ADAM32: variants seen among roughly 807,000 people sequenced by gnomAD.
ADAM32 encodes disintegrin and metalloproteinase domain-containing protein 32.
Under a neutral mutation model 114.9 loss-of-function variants are expected in ADAM32, and 89 were observed. The observed-to-expected ratio is 0.77, with a 90% CI of 0.65 to 0.92. ADAM32 has a LOEUF of 0.92. Ranked by LOEUF, ADAM32 falls within the 40% of genes least tolerant of loss-of-function variation. The pLI, the probability that ADAM32 is intolerant of heterozygous loss-of-function variation, is 0.00. For missense variants in ADAM32, 870 were observed against 932.8 expected (o/e 0.93, Z 0.88); for synonymous variants, 285 against 307.5 (o/e 0.93, Z 0.77).
intron 3 of ADAM32, among the ~76,000 whole-genome samples, chr8:39,145,752 G>T (rs1803466307): frequency 6.6e-6 from 1 of 151,644 alleles, no homozygotes; most frequent in South Asian, 2.1e-4. Flanking sequence ...TTATTTTTGA[G>T]ACAGGGTCTC....
chr8:39,252,065 A>G (rs534843952), intron 17 of ADAM32, among the ~76,000 whole-genome samples: 7 of 151,874 alleles, frequency 4.6e-5, no homozygotes, highest in South Asian at 2.1e-4. Flanking sequence ...ATTCTGTTCC[A>G]TTGGTCTATG....
chr8:39,179,207 C>G (rs1805700522), intron 10 of ADAM32, among the ~76,000 whole-genome samples: 1 of 152,116 alleles, frequency 6.6e-6, no homozygotes, highest in African/African-American at 2.4e-5. Context: ...GAGTTCTGGT[C>G]TGGACTACCT....
intron 11 of ADAM32, among the ~76,000 whole-genome samples, chr8:39,191,521 T>A (rs958870939): frequency 6.6e-6 from 1 of 152,258 alleles, no homozygotes; most frequent in African/African-American, 2.4e-5. Context: ...GAGCTTTTTT[T>A]CATATGCTTG....
intron 11 of ADAM32, among the ~76,000 whole-genome samples, chr8:39,204,568 A>C (rs1027842338): frequency 6.6e-6 from 1 of 152,166 alleles, no homozygotes; most frequent in Non-Finnish European, 1.5e-5. Context: ...TCTTTGTGAT[A>C]GGTTCAAACT....
chr8:39,190,889 GT>G (rs1806558143), intron 11 of ADAM32, among the ~76,000 whole-genome samples: 2 of 152,114 alleles, frequency 1.3e-5, no homozygotes, highest in South Asian at 4.2e-4. Flanking sequence ...GTACCCAATA[GT>G]TTTTTTCTGA....
chr8:39,172,633 A>T (rs1250660484), intron 10 of ADAM32, among the ~76,000 whole-genome samples: 2 of 152,192 alleles, frequency 1.3e-5, no homozygotes, highest in Non-Finnish European at 2.9e-5. Flanking sequence ...TTCCAGTTCC[A>T]TCCTTGTCCC....
Position 39,201,602 on chromosome 8 carries a change from A to G in ADAM32, c.1053-9542A>G, listed in dbSNP as rs982503181. Among the ~76,000 whole-genome samples, 4 of 152,134 alleles carry G rather than the reference A, an allele frequency of 2.6e-5. No homozygotes were observed. In the South Asian group the frequency reaches 6.2e-4, roughly 24 times the overall value. The stretch of plus-strand genomic sequence containing the variant: ...GGACAATTTGACTTCCTCTTTTCCT[A>G]ATTGAATACCCTTTATTTCTTTCTC... On this transcript the variant is annotated intron_variant, in intron 11 of 24. Coordinates refer to ENST00000379907, the MANE Select transcript of ADAM32 (RefSeq NM_145004.7).
intron 10 of ADAM32, among the ~76,000 whole-genome samples, chr8:39,186,241 A>G (rs1164264307): frequency 2.0e-5 from 3 of 152,214 alleles, no homozygotes; most frequent in African/African-American, 7.2e-5. Flanking sequence ...AAATGTCTTT[A>G]TCTTCCTCCT....
At chr8:39,136,627 C>G (rs1268161655) in intron 2 of ADAM32, 30 bp from the exon 3 acceptor site, 1 of 1,406,516 alleles carries the variant, frequency 7.1e-7, no homozygotes, top group Admixed American at 2.7e-5. Flanking sequence ...TTAAATTTGT[C>G]TTCACTCTCA....
intron 2 of ADAM32, among the ~76,000 whole-genome samples, chr8:39,123,692 TA>T (rs1251262684): frequency 6.7e-6 from 1 of 149,216 alleles, no homozygotes. Flanking sequence ...TAAAGTTTGG[TA>T]ATTTTCTTTC....
At chr8:39,144,238 A>T (rs1461168636) in intron 3 of ADAM32, among the ~76,000 whole-genome samples, 1 of 152,126 alleles carries the variant, frequency 6.6e-6, no homozygotes, top group Non-Finnish European at 1.5e-5. Context: ...CCCACTGTTG[A>T]TCCAGTCCCA....
chr8:39,124,032 TTA>T (rs1234043764), intron 2 of ADAM32, among the ~76,000 whole-genome samples: 2 of 151,892 alleles, frequency 1.3e-5, no homozygotes, highest in Non-Finnish European at 2.9e-5. Flanking sequence ...TCTTTAACAT[TTA>T]TTTTAAGTTC....
At chr8:39,207,492 A>G (rs1047891596) in intron 11 of ADAM32, among the ~76,000 whole-genome samples, 2 of 152,250 alleles carry the variant, frequency 1.3e-5, no homozygotes, top group South Asian at 2.1e-4. Flanking sequence ...CATATATTGT[A>G]TAATGATGAA....
At chr8:39,218,819 T>C (rs1043016905) in intron 12 of ADAM32, among the ~76,000 whole-genome samples, 1 of 151,984 alleles carries the variant, frequency 6.6e-6, no homozygotes, top group South Asian at 2.1e-4. Context: ...AGAAAAGTCC[T>C]GGAATAAGGG....
chr8:39,275,964 T>A (rs1224485344), intron 22 of ADAM32, 98 bp downstream of exon 22: 7 of 1,174,872 alleles, frequency 6.0e-6, no homozygotes, highest in Non-Finnish European at 8.3e-6. Context: ...AACTATTAAC[T>A]GAGTAGCCAC....
intron 12 of ADAM32, among the ~76,000 whole-genome samples, chr8:39,219,819 T>A (rs1056865691): frequency 6.6e-6 from 1 of 152,208 alleles, no homozygotes; most frequent in Non-Finnish European, 1.5e-5. Flanking sequence ...TTGGTATAAT[T>A]TCAATTTTTA....
intron 3 of ADAM32, among the ~76,000 whole-genome samples, chr8:39,139,844 T>C (rs1803033597): frequency 1.3e-5 from 2 of 152,232 alleles, no homozygotes; most frequent in Admixed American, 6.5e-5. Context: ...TCCTCTTTTA[T>C]TTCATTGAGC....
intron 11 of ADAM32, among the ~76,000 whole-genome samples, chr8:39,204,261 A>G (rs920243944): frequency 6.6e-6 from 1 of 152,228 alleles, no homozygotes; most frequent in Non-Finnish European, 1.5e-5. Flanking sequence ...CATCACTTTC[A>G]GGTACACCAA....
At chr8:39,263,790 C>A (rs549217226) in intron 19 of ADAM32, among the ~76,000 whole-genome samples, 1 of 152,284 alleles carries the variant, frequency 6.6e-6, no homozygotes, top group African/African-American at 2.4e-5. Flanking sequence ...TGGATTAATA[C>A]ATTATGCAGT....
Sources: allele counts gnomAD v4.1 joint callset (sites outside exome capture counted in the v4.1 genomes callset), GRCh38; gene constraint gnomAD v4.1.1; transcripts MANE v1.5; gene names NCBI Gene and HGNC (gene_info 2026-07-23, HGNC 2026-07-21).